The following SUPT3H variants were observed in gnomAD, a reference collection of about 807,000 sequenced individuals.
The protein encoded by SUPT3H is SPT3 homolog, SAGA and STAGA complex component, also known as transcription initiation protein SPT3 homolog.
Under a neutral mutation model 44.3 loss-of-function variants are expected in SUPT3H, and 44 were observed. The observed-to-expected ratio is 0.99, with a 90% CI of 0.78 to 1.28. The LOEUF is 1.28. SUPT3H is among the 50% of genes most tolerant of loss of function. The probability of loss-of-function intolerance (pLI) is 0.00; values close to 1 mark genes in which losing one functional copy is unlikely to be tolerated. For missense variants in SUPT3H, 380 were observed against 387.1 expected (o/e 0.98, Z 0.15); for synonymous variants, 124 against 125.6 (o/e 0.99, Z 0.09).
chr6:45,032,693 A>G (rs1412217281), intron 3 of SUPT3H, among the ~76,000 whole-genome samples: 1 of 152,128 alleles, frequency 6.6e-6, no homozygotes, highest in African/African-American at 2.4e-5. Context: ...TTCATAAATA[A>G]AAGTGAGACA....
chr6:45,027,589 T>G (rs1305344329), intron 3 of SUPT3H, among the ~76,000 whole-genome samples: 1 of 152,182 alleles, frequency 6.6e-6, no homozygotes, highest in African/African-American at 2.4e-5. Flanking sequence ...AACTCTGGAT[T>G]TTGTTGTATT....
At chr6:45,244,994 C>T (rs1426959713) in intron 2 of SUPT3H, among the ~76,000 whole-genome samples, 1 of 152,096 alleles carries the variant, frequency 6.6e-6, no homozygotes, top group Non-Finnish European at 1.5e-5. Context: ...ATTCCCATTT[C>T]ATTATTTACA....
At position 44,954,592 on chromosome 6, in the gene SUPT3H, T is replaced by C. The variant is rs999186548; in HGVS notation, c.596A>G (p.Lys199Arg). 4 of 1,612,662 alleles carry C rather than the reference T, an allele frequency of 2.5e-6. No homozygotes were observed. Among genetic ancestry groups the C allele is most frequent in the Non-Finnish European group, 2.5e-6 (3 of 1,179,584 alleles). ...GCTGCAGTCCAACCAGTCTCGAAAT[T>C]TGGAAGCTTTTTTGGCTGGCCATTT... ...RQLSFSKKAS[K>R]FRDWLDCSSM... is the part of the protein sequence containing the mutation. Residue 199 changes from lysine to arginine, a missense_variant, in exon 8 of 11, where the codon AAA (lysine) becomes AGA (arginine). Lys to Arg is a conservative substitution (Grantham distance 26). Coordinates refer to ENST00000371459, the MANE Select transcript of SUPT3H (RefSeq NM_003599.4).
chr6:45,009,512 A>G (rs937977982), intron 5 of SUPT3H, among the ~76,000 whole-genome samples: 11 of 152,070 alleles, frequency 7.2e-5, no homozygotes, highest in Non-Finnish European at 1.3e-4. Flanking sequence ...TAGGTGCCCA[A>G]ATTCTTTCTC....
intron 2 of SUPT3H, among the ~76,000 whole-genome samples, chr6:45,195,206 G>A (rs1815813964): frequency 6.6e-6 from 1 of 152,108 alleles, no homozygotes. Flanking sequence ...TTATACAATG[G>A]TTTCATAATA....
chr6:45,150,817 T>C (rs60861677), intron 2 of SUPT3H, among the ~76,000 whole-genome samples: 3,643 of 143,404 alleles, frequency 0.025, 149 homozygotes, highest in African/African-American at 0.088. Context: ...CCGCCTGCCA[T>C]GTTCAAGCAA....
chr6:45,047,138 T>C (rs1365007247), intron 3 of SUPT3H, among the ~76,000 whole-genome samples: 1 of 152,236 alleles, frequency 6.6e-6, no homozygotes, highest in Non-Finnish European at 1.5e-5. Context: ...TATGATTATG[T>C]TTCCTGCAAC....
chr6:45,119,994 T>C (rs188740595), intron 2 of SUPT3H, among the ~76,000 whole-genome samples: 199 of 152,174 alleles, frequency 1.3e-3, no homozygotes, highest in African/African-American at 4.6e-3. Context: ...GGATTTACTG[T>C]TTGCTAGACA....
At chr6:45,285,452 GACAA>G (rs1473332107) in intron 2 of SUPT3H, among the ~76,000 whole-genome samples, 4 of 152,196 alleles carry the variant, frequency 2.6e-5, no homozygotes, top group African/African-American at 7.2e-5. Context: ...ACCAATAACA[GACAA>G]ACAGAGAGCC....
intron 2 of SUPT3H, among the ~76,000 whole-genome samples, chr6:45,350,303 ATCT>A (rs1791758227): frequency 6.6e-6 from 1 of 152,212 alleles, no homozygotes; most frequent in African/African-American, 2.4e-5. Flanking sequence ...GTATATAATA[ATCT>A]TCTAGATTAA....
rs569748241 is a variant in SUPT3H, at chr6:45,335,336, A to G, written c.101+29865T>C. Among the ~76,000 whole-genome samples the G allele has an allele frequency of 1.4e-4, 21 of 151,424 alleles. No homozygotes were observed. In the South Asian group the frequency reaches 4.1e-3, roughly 30 times the overall value. On this transcript the variant is annotated intron_variant, in intron 2 of 10. Coordinates refer to ENST00000371459, the MANE Select transcript of SUPT3H (RefSeq NM_003599.4). ...ACTTTGAAGCTTAAAAGAAAGGATC[A>G]TGACATTTATTTTACTATGTAATAT...
intron 3 of SUPT3H, among the ~76,000 whole-genome samples, chr6:45,050,225 C>T (rs1353459452): frequency 6.6e-6 from 1 of 151,656 alleles, no homozygotes; most frequent in Non-Finnish European, 1.5e-5. Flanking sequence ...ATACTCAGAG[C>T]CACCTTGCCA....
At chr6:45,086,153 A>G (rs552039328) in intron 3 of SUPT3H, among the ~76,000 whole-genome samples, 1 of 152,156 alleles carries the variant, frequency 6.6e-6, no homozygotes, top group African/African-American at 2.4e-5. Flanking sequence ...CCTATTAGTA[A>G]TATCATTCCC....
chr6:45,298,146 G>C (rs905660850), intron 2 of SUPT3H, among the ~76,000 whole-genome samples: 3 of 152,216 alleles, frequency 2.0e-5, no homozygotes, highest in Middle Eastern at 3.4e-3. Flanking sequence ...TAGGACTTTC[G>C]ATAATTTAAT....
intron 2 of SUPT3H, among the ~76,000 whole-genome samples, chr6:45,243,851 C>T (rs376147791): frequency 1.3e-5 from 2 of 152,072 alleles, no homozygotes; most frequent in Non-Finnish European, 2.9e-5. Flanking sequence ...ACAATATACC[C>T]GATCTGTTTT....
intron 2 of SUPT3H, among the ~76,000 whole-genome samples, chr6:45,199,385 A>G (rs1463216355): frequency 6.6e-6 from 1 of 151,224 alleles, no homozygotes; most frequent in African/African-American, 2.4e-5. Context: ...TTAGAGCATG[A>G]ATCTCCACAA....
In SUPT3H at chr6:44,884,763, G is replaced by C. The variant is rs190831524; in HGVS notation, c.912+47890C>G. On this transcript the variant is annotated intron_variant, in intron 10 of 10. Coordinates refer to ENST00000371459, the MANE Select transcript of SUPT3H (RefSeq NM_003599.4). The stretch of plus-strand genomic sequence containing the variant: ...CACTAGGGAGTGCCAGACAGTGGGC[G>C]CAGGTCAGTGGGTGCAGCACACTGT... Among the ~76,000 whole-genome samples the C allele has an allele frequency of 3.9e-3, 595 of 152,256 alleles. 7 individuals carry two copies. The highest frequency in any genetic ancestry group is 0.014 in the African/African-American group (566 of 41,556).
At chr6:45,312,876 CA>C (rs1318162941) in intron 2 of SUPT3H, among the ~76,000 whole-genome samples, 1 of 152,084 alleles carries the variant, frequency 6.6e-6, no homozygotes, top group Non-Finnish European at 1.5e-5. Context: ...CAAGATAGAC[CA>C]TATGATAGGC....
chr6:45,054,538 A>C (rs1327379102), intron 3 of SUPT3H, among the ~76,000 whole-genome samples: 2 of 152,202 alleles, frequency 1.3e-5, no homozygotes, highest in Non-Finnish European at 1.5e-5. Flanking sequence ...TATATGAAAT[A>C]AATGTGTATG....
Sources: gnomAD v4.1 joint callset for allele counts (sites outside exome capture counted in the v4.1 genomes callset) on GRCh38, gnomAD v4.1.1 for gene constraint, MANE v1.5 for transcripts, NCBI Gene and HGNC (gene_info 2026-07-23, HGNC 2026-07-21) for gene names.